CACNG3: variants seen among roughly 807,000 people sequenced by gnomAD.
The protein encoded by CACNG3 is voltage-dependent calcium channel gamma-3 subunit.
CACNG3 carries 3 observed loss-of-function variants against 28.5 expected under a neutral mutation model. The ratio of observed to expected loss-of-function variants is 0.11; its 90% CI spans 0.05 to 0.27. The LOEUF (loss-of-function observed/expected upper bound fraction) is 0.27. Among genes scored for constraint, CACNG3 ranks in the 10% least tolerant of loss-of-function variants. The pLI, the probability that CACNG3 is intolerant of heterozygous loss-of-function variation, is 1.00. For synonymous variants in CACNG3, 174 were observed against 162.2 expected (o/e 1.07, Z -0.55); for missense variants, 236 against 414.4 (o/e 0.57, Z 3.74).
At chr16:24,304,375 A>G (rs1400379054) in intron 1 of CACNG3, among the ~76,000 whole-genome samples, 1 of 152,206 alleles carries the variant, frequency 6.6e-6, no homozygotes, top group Non-Finnish European at 1.5e-5. Flanking sequence ...TAAAAATTAA[A>G]GTGCATGTAC....
At chr16:24,316,671 A>C (rs550045737) in intron 1 of CACNG3, among the ~76,000 whole-genome samples, 1 of 152,128 alleles carries the variant, frequency 6.6e-6, no homozygotes, top group South Asian at 2.1e-4. Flanking sequence ...GCACTCCCCA[A>C]AGACCTCAGG....
intron 1 of CACNG3, among the ~76,000 whole-genome samples, chr16:24,345,733 G>C (rs968607944): frequency 1.3e-5 from 2 of 152,178 alleles, no homozygotes; most frequent in African/African-American, 4.8e-5. Context: ...AATGTGGACG[G>C]ATGTTCAAGA....
chr16:24,344,635 T>G lies in CACNG3; in HGVS notation c.212-2099T>G, dbSNP rs540714445. ...ATGGGTCTGTCTTTTTTCTAAGAAT[T>G]TCCTTGAGTCTTCTCTCCTGAACCT... On this transcript the variant is annotated intron_variant, in intron 1 of 3. Coordinates refer to ENST00000005284, the MANE Select transcript of CACNG3 (RefSeq NM_006539.4). 9.8e-5 allele frequency among the ~76,000 whole-genome samples: 15 copies of G among 152,314 alleles called. No individual in the cohort carries two copies. In the South Asian group the frequency reaches 3.1e-3, roughly 32 times the overall value.
intron 2 of CACNG3, among the ~76,000 whole-genome samples, chr16:24,347,397 G>T (rs1375501797): frequency 1.3e-5 from 2 of 152,066 alleles, no homozygotes; most frequent in Non-Finnish European, 2.9e-5. Context: ...AAGGAAGGAA[G>T]GCAGGAAGGA....
chr16:24,321,289 A>C (rs1899453136), intron 1 of CACNG3, among the ~76,000 whole-genome samples: 1 of 152,112 alleles, frequency 6.6e-6, no homozygotes, highest in Non-Finnish European at 1.5e-5. Flanking sequence ...TCTACTAAAA[A>C]TACAAAAATT....
chr16:24,283,227 A>T lies in CACNG3; in HGVS notation c.211+26262A>T, dbSNP rs1596626820. ...GGTTTTGCTAGCAAATATTCTAACTATTCTGTCTCATTGTAGGATATTGAG... is the reference window on the plus strand; with the variant it reads ...GGTTTTGCTAGCAAATATTCTAACTTTTCTGTCTCATTGTAGGATATTGAG... On this transcript the variant is annotated intron_variant, in intron 1 of 3. Transcript: ENST00000005284. 3.9e-5 allele frequency among the ~76,000 whole-genome samples: 6 copies of T among 152,254 alleles called. No individual in the cohort carries two copies. The East Asian group carries it at 1.2e-3, about 29-fold the overall frequency.
At chr16:24,289,335 C>T (rs1898935833) in intron 1 of CACNG3, among the ~76,000 whole-genome samples, 1 of 151,982 alleles carries the variant, frequency 6.6e-6, no homozygotes, top group Non-Finnish European at 1.5e-5. Flanking sequence ...AAAAAAATCC[C>T]TTCAGATTGT....
chr16:24,339,504 G>A (rs1030996031), intron 1 of CACNG3, among the ~76,000 whole-genome samples: 6 of 151,770 alleles, frequency 4.0e-5, no homozygotes, highest in African/African-American at 1.5e-4. Context: ...TCCTGCTTCG[G>A]CACCCTGAGT....
intron 1 of CACNG3, among the ~76,000 whole-genome samples, chr16:24,323,304 T>C (rs911308044): frequency 2.0e-5 from 3 of 150,984 alleles, no homozygotes; most frequent in African/African-American, 7.3e-5. Context: ...CATCAGATGG[T>C]CAGAACTTCC....
intron 2 of CACNG3, among the ~76,000 whole-genome samples, chr16:24,352,515 G>GT (rs1202901863): frequency 1.6e-5 from 2 of 127,606 alleles, no homozygotes; most frequent in Admixed American, 1.8e-4. Flanking sequence ...GGGTTATGGG[G>GT]TTTTTTTTGT....
rs1202901863 is a variant in CACNG3 at position 24,352,515 on chromosome 16, GTTT to G, written c.296-2312_296-2310del. ...GAAGGGCTTTTGCCTGGGTTATGGG[GTTT>G]TTTTTGTTGTTGTTGTTTGTTTGTT... On this transcript the variant is annotated intron_variant, in intron 2 of 3. Coordinates refer to ENST00000005284, the MANE Select transcript of CACNG3 (RefSeq NM_006539.4). 5.1e-3 allele frequency among the ~76,000 whole-genome samples: 650 copies of G among 127,714 alleles called. 4 individuals are homozygous for G. The highest frequency in any genetic ancestry group is 0.018 in the African/African-American group (624 of 34,488). 83.8% of individuals were successfully genotyped at this position (127,714 alleles called of 152,430 possible).
intron 1 of CACNG3, among the ~76,000 whole-genome samples, chr16:24,323,854 A>G (rs1899498671): frequency 6.6e-6 from 1 of 151,960 alleles, no homozygotes; most frequent in Non-Finnish European, 1.5e-5. Flanking sequence ...TGCAACCTCC[A>G]CCTCCCAGGT....
At chr16:24,294,443 G>A (rs1037491013) in intron 1 of CACNG3, among the ~76,000 whole-genome samples, 1 of 152,200 alleles carries the variant, frequency 6.6e-6, no homozygotes. Flanking sequence ...CAGGTTCCAG[G>A]GCAGTGGAGG....
At chr16:24,356,760 A>T (rs1428183896) in intron 3 of CACNG3, among the ~76,000 whole-genome samples, 1 of 152,100 alleles carries the variant, frequency 6.6e-6, no homozygotes, top group Admixed American at 6.5e-5. Context: ...CTGGAAGGAG[A>T]CTGTATTAGT....
intron 1 of CACNG3, among the ~76,000 whole-genome samples, chr16:24,309,285 G>A (rs1044148842): frequency 2.6e-5 from 4 of 152,196 alleles, no homozygotes; most frequent in African/African-American, 9.7e-5. Context: ...ACTTCCAACA[G>A]CTGTGCTATG....
intron 1 of CACNG3, among the ~76,000 whole-genome samples, chr16:24,289,826 G>A (rs1332143650): frequency 1.3e-5 from 2 of 152,242 alleles, no homozygotes; most frequent in Non-Finnish European, 2.9e-5. Context: ...CTACCTGATA[G>A]GATTGCTGTG....
intron 1 of CACNG3, among the ~76,000 whole-genome samples, chr16:24,280,540 G>A (rs1898811380): frequency 6.6e-6 from 1 of 152,144 alleles, no homozygotes; most frequent in African/African-American, 2.4e-5. Context: ...ACCCAGCCAG[G>A]CGCAGTGGCT....
intron 1 of CACNG3, among the ~76,000 whole-genome samples, chr16:24,333,988 G>A (rs1250178361): frequency 6.6e-6 from 1 of 152,142 alleles, no homozygotes; most frequent in African/African-American, 2.4e-5. Flanking sequence ...AACCAGTGTT[G>A]AGAATCACTG....
In CACNG3 at chr16:24,361,474, A is replaced by G. The variant is rs753277538; in HGVS notation, c.559A>G (p.Ile187Val). 2.5e-6 allele frequency: 4 copies of G among 1,614,010 alleles called. No homozygotes were observed. In the East Asian group the frequency reaches 8.9e-5, roughly 36 times the overall value. ...CTTTTATTTCGGAGCCTTCTCTTTC[A>G]TCATCGCAGAAATTGTAGGAGTGGT... Reference protein sequence around the residue: ...WSFYFGAFSFIIAEIVGVVAV... With the variant: ...WSFYFGAFSFVIAEIVGVVAV... The change falls in exon 4 of 4, where the codon ATC becomes GTC. Residue 187 changes from isoleucine (I) to valine (V), a missense_variant. This residue lies in a region of CACNG3 where 120 missense variants were observed against 263.4 expected (regional missense o/e 0.46). Coordinates refer to ENST00000005284, the MANE Select transcript of CACNG3 (RefSeq NM_006539.4). This position sits in a 1 kb window ranked among gnomAD's most constrained non-coding sequence, Gnocchi z 6.8.
Sources: gnomAD v4.1 joint callset for allele counts (sites outside exome capture counted in the v4.1 genomes callset) on GRCh38, gnomAD v4.1.1 for gene constraint, gnomAD v4.1.1 regional missense constraint, Gnocchi (gnomAD v3.1) non-coding constraint, MANE v1.5 for transcripts, NCBI Gene and HGNC (gene_info 2026-07-23, HGNC 2026-07-21) for gene names.